CTBS: variants seen among roughly 807,000 people sequenced by gnomAD.
The protein encoded by CTBS is chitobiase, also known as di-N-acetylchitobiase.
CTBS carries 35 observed loss-of-function variants against 44.3 expected under a neutral mutation model. The ratio of observed to expected loss-of-function variants is 0.79; its 90% CI spans 0.60 to 1.05. The LOEUF (loss-of-function observed/expected upper bound fraction) is 1.05. Among genes scored for constraint, CTBS ranks in the 50% least tolerant of loss-of-function variants. The pLI is 0.00. For synonymous variants in CTBS, 143 were observed against 168.0 expected (o/e 0.85, Z 1.15); for missense variants, 458 against 475.3 (o/e 0.96, Z 0.34).
intron 6 of CTBS, among the ~76,000 whole-genome samples, chr1:84,560,262 T>C (rs59898877): frequency 0.089 from 13,574 of 152,082 alleles, 1,186 homozygotes; most frequent in African/African-American, 0.23. Flanking sequence ...ACCACCACCT[T>C]TCTGTGTAAT....
chr1:84,564,440 T>A (rs1182196185), intron 4 of CTBS, among the ~76,000 whole-genome samples: 6 of 152,184 alleles, frequency 3.9e-5, no homozygotes, highest in Admixed American at 3.9e-4. Context: ...CTAAAAAACT[T>A]TATTACTTTT....
chr1:84,563,921 G>A, intron 4 of CTBS, 89 bp from the exon 5 acceptor site: 6 of 1,373,116 alleles, frequency 4.4e-6, no homozygotes, highest in Non-Finnish European at 5.7e-6. Flanking sequence ...GAATCTGTTT[G>A]TAAAAACAAG....
At chr1:84,568,117 T>A (rs562392161) in intron 3 of CTBS, among the ~76,000 whole-genome samples, 1 of 152,336 alleles carries the variant, frequency 6.6e-6, no homozygotes, top group African/African-American at 2.4e-5. Flanking sequence ...AACATGAACT[T>A]GACATGTAGC....
intron 6 of CTBS, among the ~76,000 whole-genome samples, chr1:84,559,018 T>G (rs927398181): frequency 3.9e-5 from 6 of 152,182 alleles, no homozygotes; most frequent in African/African-American, 1.4e-4. Context: ...TGTCCTAAGA[T>G]TCTATGTTAC....
At chr1:84,570,383 T>G (rs1647268064) in intron 2 of CTBS, among the ~76,000 whole-genome samples, 199 bp downstream of exon 2, 1 of 152,244 alleles carries the variant, frequency 6.6e-6, no homozygotes, top group Non-Finnish European at 1.5e-5. Context: ...GTTAACATTT[T>G]GCTCAAAACC....
intron 6 of CTBS, among the ~76,000 whole-genome samples, chr1:84,558,163 C>T (rs1455577109): frequency 1.3e-5 from 2 of 151,998 alleles, no homozygotes; most frequent in Non-Finnish European, 2.9e-5. Flanking sequence ...AGTGTTCTTA[C>T]CATTTAAAAA....
At position 84,557,774 on chromosome 1, in the gene CTBS, C is replaced by G. The variant is rs570635943; in HGVS notation, c.958-2575G>C. On this transcript the variant is annotated intron_variant, in intron 6 of 6. Transcript: ENST00000370630. ...TTGGGAGGCTAAGGCAGGAGAATGG[C>G]GTGAACCCGGGAGGCGGAGCTTGCA... Among the ~76,000 whole-genome samples the G allele has an allele frequency of 1.9e-4, 29 of 150,502 alleles. No individual in the cohort carries two copies. In the East Asian group the frequency reaches 4.5e-3, roughly 23 times the overall value.
Position 84,550,059 on chromosome 1 carries a change from G to A in CTBS, c.*4940C>T, listed in dbSNP as rs1486629402. ...AAATAGGTTTTCTTGTATTAAATTAGTTTTTGCATATAAAATATAGTATCA... is the reference window on the plus strand; with the variant it reads ...AAATAGGTTTTCTTGTATTAAATTAATTTTTGCATATAAAATATAGTATCA... On this transcript the variant is annotated 3_prime_UTR_variant, in exon 7 of 7. Transcript: ENST00000370630. 1 of 152,064 alleles carries A rather than the reference G, an allele frequency of 6.6e-6. No homozygotes were observed. Among genetic ancestry groups the A allele is most frequent in the African/African-American group, 2.4e-5 (1 of 41,336 alleles). The allele number at this position is 152,064 out of a possible 1,614,324, so 9.4% of individuals were successfully genotyped here.
At position 84,574,431 on chromosome 1, in the gene CTBS, G is replaced by A. The variant is rs1215015224; in HGVS notation, c.-16C>T. On this transcript the variant is annotated 5_prime_UTR_variant, in exon 1 of 7. Transcript: ENST00000370630. Reference sequence around the variant, plus strand: ...GCCGGGACATAGCAGCAGGTCTAGCGGGCCGGAGTGGGTTCCTACCGCCTG... The same window carrying A: ...GCCGGGACATAGCAGCAGGTCTAGCAGGCCGGAGTGGGTTCCTACCGCCTG... 12 of 1,512,456 alleles carry A rather than the reference G, an allele frequency of 7.9e-6. No individual in the cohort carries two copies. The highest frequency in any genetic ancestry group is 1.1e-5 in the Non-Finnish European group (12 of 1,132,988). The allele number at this position is 1,512,456 out of a possible 1,614,324, so 93.7% of individuals were successfully genotyped here.
At chr1:84,565,360 T>C (rs1226066354) in intron 4 of CTBS, among the ~76,000 whole-genome samples, 1 of 152,220 alleles carries the variant, frequency 6.6e-6, no homozygotes, top group Non-Finnish European at 1.5e-5. Context: ...ATATAATTTT[T>C]AATTTATCAC....
intron 6 of CTBS, among the ~76,000 whole-genome samples, chr1:84,556,856 A>C (rs1468205167): frequency 6.6e-6 from 1 of 152,194 alleles, no homozygotes; most frequent in Non-Finnish European, 1.5e-5. Context: ...ACATTTTTAG[A>C]ACTAGACAAA....
Position 84,570,140 on chromosome 1 carries a change from C to T in CTBS, c.317-1G>A. On this transcript the variant is annotated splice_acceptor_variant, in intron 2 of 6. Coordinates refer to ENST00000370630, the MANE Select transcript of CTBS (RefSeq NM_004388.3). LOFTEE classifies it high-confidence loss of function. ...ATGATATCCTTTAAGGATACATCTC[C>T]TGTGGAAGAAGTATATATCTTTTGA... is the stretch of plus-strand genomic sequence containing the variant. 6.2e-7 allele frequency: 1 copy of T among 1,608,202 alleles called. No homozygotes were observed. The highest frequency in any genetic ancestry group is 8.5e-7 in the Non-Finnish European group (1 of 1,177,554).
At position 84,563,304 on chromosome 1, in the gene CTBS, C is replaced by A; in HGVS notation, c.910G>T (p.Gly304Ter). 6.3e-7 allele frequency: 1 copy of A among 1,590,576 alleles called. No individual in the cohort carries two copies. Among genetic ancestry groups the A allele is most frequent in the South Asian group, 1.1e-5 (1 of 87,974 alleles). The change falls in exon 6 of 7, where the codon GGA becomes TGA. Residue 304 changes from glycine (G) to a stop codon, truncating the protein, a stop_gained. Transcript: ENST00000370630. LOFTEE classifies it high-confidence loss of function. ...CGCTGATCTTTATCCCATAGGTTTC[C>A]AGAAATAGAACTATTTATTTGCTTC... is the stretch of plus-strand genomic sequence containing the variant. ...IMKQINSSIS[G>*]NLWDKDQRAP...
chr1:84,555,350 T>C (rs1480852674), intron 6 of CTBS, 151 bp from the exon 7 acceptor site: 1 of 559,184 alleles, frequency 1.8e-6, no homozygotes, highest in Admixed American at 3.6e-5. Context: ...GAAATAAAAA[T>C]TTTAGGGCAT....
intron 6 of CTBS, among the ~76,000 whole-genome samples, chr1:84,562,359 T>G (rs1462202265): frequency 2.0e-5 from 3 of 151,950 alleles, no homozygotes; most frequent in African/African-American, 4.8e-5. Flanking sequence ...GTATATACTT[T>G]CAGTTCCAAA....
chr1:84,562,414 T>A (rs1684612335), intron 6 of CTBS, among the ~76,000 whole-genome samples: 1 of 152,212 alleles, frequency 6.6e-6, no homozygotes, highest in Non-Finnish European at 1.5e-5. Context: ...GGCATACACA[T>A]GTATATCAAT....
intron 6 of CTBS, among the ~76,000 whole-genome samples, chr1:84,556,461 C>T (rs1684432938): frequency 6.6e-6 from 1 of 152,026 alleles, no homozygotes; most frequent in Admixed American, 6.6e-5. Context: ...GCCTGTAATA[C>T]CAGCACTTTG....
intron 5 of CTBS, 96 bp from the exon 6 acceptor site, chr1:84,563,514 T>C: frequency 2.1e-6 from 2 of 941,124 alleles, no homozygotes; most frequent in Non-Finnish European, 2.9e-6. Context: ...ATAAAACATA[T>C]ACCATAGAAA....
At chr1:84,562,919 T>C (rs890761641) in intron 6 of CTBS, among the ~76,000 whole-genome samples, 2 of 152,176 alleles carry the variant, frequency 1.3e-5, no homozygotes. Flanking sequence ...AGATAGTAAC[T>C]TATTTTGGCC....
Sources: gnomAD v4.1 joint callset for allele counts (sites outside exome capture counted in the v4.1 genomes callset) on GRCh38, gnomAD v4.1.1 for gene constraint, MANE v1.5 for transcripts, NCBI Gene and HGNC (gene_info 2026-07-23, HGNC 2026-07-21) for gene names.